BBS12: variants seen among roughly 807,000 people sequenced by gnomAD.
The protein encoded by BBS12 is Bardet-Biedl syndrome 12.
In BBS12, 5 loss-of-function variants were observed where a neutral mutation model predicts 5.6. The observed-to-expected ratio is 0.89, with a 90% CI of 0.46 to 1.86. The LOEUF (loss-of-function observed/expected upper bound fraction) is 1.86, where lower values mean the gene tolerates loss of function less well. Among genes scored for constraint, BBS12 ranks in the 40% most tolerant of loss-of-function variants. The pLI is 0.01. For synonymous variants in BBS12, 308 were observed against 306.8 expected (o/e 1.00, Z -0.04); for missense variants, 748 against 830.4 (o/e 0.90, Z 1.22).
chr4:122,703,087 T>G, the BBS12 span, among the ~76,000 whole-genome samples: 2 of 152,212 alleles, frequency 1.3e-5, no homozygotes, highest in Admixed American at 1.3e-4. Flanking sequence ...CTTGCAATCC[T>G]GATTAGGTAG....
the BBS12 span, among the ~76,000 whole-genome samples, chr4:122,714,726 C>T: frequency 6.6e-6 from 1 of 151,958 alleles, no homozygotes; most frequent in Non-Finnish European, 1.5e-5. Context: ...AATGAATGAA[C>T]TCTAATAACA....
At chr4:122,719,428 C>T in the BBS12 span, among the ~76,000 whole-genome samples, 73 of 152,112 alleles carry the variant, frequency 4.8e-4, 1 homozygote, top group Non-Finnish European at 6.8e-4. Flanking sequence ...TGTTCTTTTG[C>T]TCTTCACAAT....
At chr4:122,710,894 C>T in the BBS12 span, among the ~76,000 whole-genome samples, 1 of 152,098 alleles carries the variant, frequency 6.6e-6, no homozygotes, top group Non-Finnish European at 1.5e-5. Context: ...GAAATGAGAG[C>T]TGCAAACACT....
the BBS12 span, among the ~76,000 whole-genome samples, chr4:122,716,602 C>T: frequency 2.5e-3 from 254 of 103,350 alleles, 3 homozygotes; most frequent in African/African-American, 9.2e-3. Flanking sequence ...TGTATGTATA[C>T]ACACATGTGT....
chr4:122,716,405 T>A, the BBS12 span, among the ~76,000 whole-genome samples: 1 of 151,892 alleles, frequency 6.6e-6, no homozygotes, highest in Non-Finnish European at 1.5e-5. Flanking sequence ...GTTTGGTGAG[T>A]CTCTTTTTAA....
the BBS12 span, among the ~76,000 whole-genome samples, chr4:122,715,109 T>C: frequency 4.6e-5 from 7 of 151,710 alleles, no homozygotes; most frequent in Non-Finnish European, 1.0e-4. Context: ...GTGCATAATT[T>C]CATACTACAC....
In BBS12 at chr4:122,742,856, G is replaced by A; in HGVS notation, c.964G>A (p.Gly322Ser). Residue 322 changes from glycine (G) to serine (S), a missense_variant, in exon 2 of 2, where the codon GGC (glycine) becomes AGC (serine). Coordinates refer to ENST00000314218, the MANE Select transcript of BBS12 (RefSeq NM_152618.3). ...AAGAATTTTCACTTGCTGTCTACCA[G>A]GCTTACCTGAAACTTCTTCTTGTGT... ...ISRIFTCCLP[G>S]LPETSSCVCP... The A allele has an allele frequency of 3.1e-6, 5 of 1,614,182 alleles. No individual in the cohort carries two copies. Among genetic ancestry groups the A allele is most frequent in the Non-Finnish European group, 4.2e-6 (5 of 1,180,032 alleles).
chr4:122,736,558 C>G (rs961823438), intron 1 of BBS12, among the ~76,000 whole-genome samples: 6 of 152,170 alleles, frequency 3.9e-5, no homozygotes, highest in African/African-American at 1.4e-4. Context: ...TTGTCTGACT[C>G]TGCTCTTCCA....
At chr4:122,725,572 T>C in the BBS12 span, among the ~76,000 whole-genome samples, 2 of 152,234 alleles carry the variant, frequency 1.3e-5, no homozygotes, top group African/African-American at 4.8e-5. Flanking sequence ...TGTAAGAGAA[T>C]GAAACTAGAT....
the BBS12 span, among the ~76,000 whole-genome samples, chr4:122,703,094 G>A: frequency 1.4e-4 from 22 of 152,218 alleles, no homozygotes; most frequent in African/African-American, 5.1e-4. Flanking sequence ...TCCTGATTAG[G>A]TAGGGAGCCA....
chr4:122,708,213 T>C, the BBS12 span, among the ~76,000 whole-genome samples: 1 of 152,066 alleles, frequency 6.6e-6, no homozygotes, highest in African/African-American at 2.4e-5. Context: ...CATTTCACCA[T>C]ATTGCCCAAG....
intron 1 of BBS12, among the ~76,000 whole-genome samples, chr4:122,733,376 A>AACACACACACACACAC (rs3034555): frequency 9.6e-4 from 85 of 88,166 alleles, no homozygotes; most frequent in Non-Finnish European, 1.4e-3. Context: ...CTCCAACCCC[A>AACACACACACACACAC]ACACACACAC....
chr4:122,741,732 GAAT>G (rs908061218), intron 1 of BBS12, among the ~76,000 whole-genome samples, 148 bp from the exon 2 acceptor site: 1 of 152,026 alleles, frequency 6.6e-6, no homozygotes, highest in Non-Finnish European at 1.5e-5. Flanking sequence ...ATCATTAATA[GAAT>G]AATAATACTG....
chr4:122,739,202 GAAAGAATAAA>G (rs1800828910), intron 1 of BBS12, among the ~76,000 whole-genome samples: 1 of 152,216 alleles, frequency 6.6e-6, no homozygotes, highest in South Asian at 2.1e-4. Context: ...CCAGAACTGT[GAAAGAATAAA>G]TAAGTATTGT....
At chr4:122,712,006 A>G in the BBS12 span, among the ~76,000 whole-genome samples, 1 of 152,210 alleles carries the variant, frequency 6.6e-6, no homozygotes, top group Non-Finnish European at 1.5e-5. Flanking sequence ...GCTGGGGTAG[A>G]CCTTCTGCTG....
At chr4:122,722,791 C>A in the BBS12 span, among the ~76,000 whole-genome samples, 1 of 152,084 alleles carries the variant, frequency 6.6e-6, no homozygotes, top group Admixed American at 6.5e-5. Context: ...CATCATGTCA[C>A]CTGCAAATAA....
At chr4:122,741,412 C>G (rs1175426527) in intron 1 of BBS12, among the ~76,000 whole-genome samples, 1 of 152,184 alleles carries the variant, frequency 6.6e-6, no homozygotes, top group Non-Finnish European at 1.5e-5. Flanking sequence ...GTCTCGAACC[C>G]CTGACCTCGT....
chr4:122,729,737 G>A (rs1182015696), upstream of BBS12: 1 of 152,136 alleles, frequency 6.6e-6, no homozygotes, highest in Non-Finnish European at 1.5e-5. Flanking sequence ...CATGAGGTCA[G>A]GAGATTGAGA....
intron 1 of BBS12, among the ~76,000 whole-genome samples, chr4:122,737,648 GA>G (rs1228199267): frequency 6.6e-6 from 1 of 152,192 alleles, no homozygotes; most frequent in Non-Finnish European, 1.5e-5. Context: ...TATCCATGAG[GA>G]AAGAGGAACC....
Sources: gnomAD v4.1 joint callset for allele counts (sites outside exome capture counted in the v4.1 genomes callset) on GRCh38, gnomAD v4.1.1 for gene constraint, MANE v1.5 for transcripts, NCBI Gene and HGNC (gene_info 2026-07-23, HGNC 2026-07-21) for gene names.